Variants in PRKCE observed in about 807,000 individuals in gnomAD.
The protein encoded by PRKCE is protein kinase C epsilon type.
Under a neutral mutation model 85.4 loss-of-function variants are expected in PRKCE, and 16 were observed. That is an observed-to-expected ratio of 0.19 (90% CI 0.13 to 0.28). The LOEUF (loss-of-function observed/expected upper bound fraction) is 0.28, where lower values mean the gene tolerates loss of function less well. Among genes scored for constraint, PRKCE ranks in the 10% least tolerant of loss-of-function variants. The pLI is 1.00. For missense variants in PRKCE, 573 were observed against 975.2 expected (o/e 0.59, Z 5.49); for synonymous variants, 388 against 371.5 (o/e 1.04, Z -0.51).
intron 11 of PRKCE, among the ~76,000 whole-genome samples, chr2:46,132,932 A>G (rs184988750): frequency 3.3e-5 from 5 of 152,318 alleles, no homozygotes; most frequent in Admixed American, 3.3e-4. Flanking sequence ...TTGCAGGAAG[A>G]CGTGCCTTCC....
At chr2:45,969,509 C>A (rs1268545924) in intron 2 of PRKCE, among the ~76,000 whole-genome samples, 3 of 152,166 alleles carry the variant, frequency 2.0e-5, no homozygotes, top group Admixed American at 6.5e-5. Flanking sequence ...ATGGATCCGG[C>A]AACTCTGGTG....
At chr2:46,085,322 A>T (rs61758301) in intron 10 of PRKCE, among the ~76,000 whole-genome samples, 1 of 152,054 alleles carries the variant, frequency 6.6e-6, no homozygotes, top group Non-Finnish European at 1.5e-5. Flanking sequence ...CTCACAGTGC[A>T]TGGGGGTTCA....
chr2:45,891,571 C>G (rs1261918737), intron 2 of PRKCE, among the ~76,000 whole-genome samples: 1 of 152,182 alleles, frequency 6.6e-6, no homozygotes, highest in African/African-American at 2.4e-5. Context: ...CAAGGTGGGC[C>G]ACACACCTAA....
At position 46,159,489 on chromosome 2, in the gene PRKCE, G is replaced by C; in HGVS notation, c.1921-117G>C. 1 of 1,131,314 alleles carries C rather than the reference G, an allele frequency of 8.8e-7. No individual in the cohort carries two copies. The allele number at this position is 1,131,314 out of a possible 1,614,324, so 70.1% of individuals were successfully genotyped here. On this transcript the variant is annotated intron_variant, in intron 13 of 14. Transcript: ENST00000306156. This position sits in a 1 kb window ranked among gnomAD's most constrained non-coding sequence, Gnocchi z 4.1. Reference sequence around the variant, plus strand: ...CAGATGTGGCCCTTGAAAGTGCAAAGAACAGACTTGGGAGGCGATGCTGAA... The same window carrying C: ...CAGATGTGGCCCTTGAAAGTGCAAACAACAGACTTGGGAGGCGATGCTGAA...
At chr2:46,053,339 TGGTAAAATATA>T (rs917514760) in intron 10 of PRKCE, among the ~76,000 whole-genome samples, 8 of 152,222 alleles carry the variant, frequency 5.3e-5, no homozygotes, top group Non-Finnish European at 1.2e-4. Context: ...TTATTTATTG[TGGTAAAATATA>T]GGTAAAATTT....
chr2:45,676,054 CTTGT>C (rs1378449556), intron 1 of PRKCE: 2 of 152,210 alleles, frequency 1.3e-5, no homozygotes, highest in African/African-American at 2.4e-5. Flanking sequence ...CAATGCTTGA[CTTGT>C]TTTTTTGTTT....
At chr2:46,090,356 A>C (rs1259856474) in intron 11 of PRKCE, among the ~76,000 whole-genome samples, 1 of 152,060 alleles carries the variant, frequency 6.6e-6, no homozygotes, top group Non-Finnish European at 1.5e-5. Context: ...CCCTAGTGGG[A>C]TCATGCCTCC....
At chr2:45,703,855 C>A (rs537346654) in intron 1 of PRKCE, among the ~76,000 whole-genome samples, 1 of 152,220 alleles carries the variant, frequency 6.6e-6, no homozygotes, top group Non-Finnish European at 1.5e-5. Flanking sequence ...TTCCTATTCT[C>A]TCATCCATAT....
At chr2:45,819,826 A>C (rs1021079856) in intron 1 of PRKCE, among the ~76,000 whole-genome samples, 2 of 152,336 alleles carry the variant, frequency 1.3e-5, no homozygotes, top group Non-Finnish European at 2.9e-5. Flanking sequence ...CTTCAGACAA[A>C]GCTGTCTGGG....
intron 10 of PRKCE, among the ~76,000 whole-genome samples, chr2:46,085,751 T>TTTG (rs1669568133): frequency 1.6e-4 from 2 of 12,544 alleles, no homozygotes; most frequent in African/African-American, 4.8e-4. Flanking sequence ...TTTTTTTTGT[T>TTTG]TTTGTTTTTT....
intron 10 of PRKCE, among the ~76,000 whole-genome samples, chr2:46,052,393 C>A (rs974276456): frequency 6.6e-6 from 1 of 152,092 alleles, no homozygotes; most frequent in Admixed American, 6.6e-5. Flanking sequence ...CAGTTCCATT[C>A]GCAAAGACAT....
intron 1 of PRKCE, among the ~76,000 whole-genome samples, chr2:45,799,927 G>T (rs974125058): frequency 6.6e-6 from 1 of 152,212 alleles, no homozygotes; most frequent in African/African-American, 2.4e-5. Context: ...TAAGCTCCTA[G>T]CATCTGAATG....
At chr2:45,798,528 T>A (rs909614532) in intron 1 of PRKCE, among the ~76,000 whole-genome samples, 1 of 152,218 alleles carries the variant, frequency 6.6e-6, no homozygotes, top group Non-Finnish European at 1.5e-5. Flanking sequence ...ACTGTTAAGA[T>A]GTGTTCCAGC....
chr2:45,859,967 C>T (rs1319957970), intron 2 of PRKCE, among the ~76,000 whole-genome samples: 1 of 152,180 alleles, frequency 6.6e-6, no homozygotes, highest in Non-Finnish European at 1.5e-5. Flanking sequence ...TTCTATCGTC[C>T]TACTGCCTCC....
intron 14 of PRKCE, among the ~76,000 whole-genome samples, chr2:46,181,409 G>C (rs2104724140): frequency 6.6e-6 from 1 of 152,306 alleles, no homozygotes; most frequent in East Asian, 1.9e-4. Context: ...AGATGGGTGA[G>C]CCAAGTCTGT....
At chr2:46,107,104 A>T (rs1275706998) in intron 11 of PRKCE, among the ~76,000 whole-genome samples, 4 of 152,222 alleles carry the variant, frequency 2.6e-5, no homozygotes, top group Admixed American at 2.6e-4. Context: ...ATTGTCATAC[A>T]ACATAGTTAC....
At chr2:45,809,033 C>T (rs1380177830) in intron 1 of PRKCE, among the ~76,000 whole-genome samples, 1 of 152,094 alleles carries the variant, frequency 6.6e-6, no homozygotes, top group Admixed American at 6.5e-5. Context: ...TGGTGTGTCC[C>T]TTCTGTGATT....
At chr2:45,727,209 A>G (rs1681148734) in intron 1 of PRKCE, among the ~76,000 whole-genome samples, 1 of 152,208 alleles carries the variant, frequency 6.6e-6, no homozygotes, top group Non-Finnish European at 1.5e-5. Flanking sequence ...TGTAGACAAG[A>G]ACAGCTTACC....
intron 2 of PRKCE, among the ~76,000 whole-genome samples, chr2:45,908,164 C>G (rs931463224): frequency 2.0e-5 from 3 of 152,184 alleles, no homozygotes; most frequent in African/African-American, 7.2e-5. Flanking sequence ...TGGCCCCTCA[C>G]TGTGCCTCTG....
Sources: gnomAD v4.1 joint callset for allele counts (sites outside exome capture counted in the v4.1 genomes callset) on GRCh38, gnomAD v4.1.1 for gene constraint, Gnocchi (gnomAD v3.1) non-coding constraint, MANE v1.5 for transcripts, NCBI Gene and HGNC (gene_info 2026-07-23, HGNC 2026-07-21) for gene names.